SPMAP2L: variants seen among roughly 807,000 people sequenced by gnomAD.
SPMAP2L encodes sperm microtubule associated protein 2 like, also known as sperm microtubule associated protein 2-like.
chr4:56,608,037 C>T, the SPMAP2L span, among the ~76,000 whole-genome samples: 1 of 145,396 alleles, frequency 6.9e-6, no homozygotes, highest in African/African-American at 2.5e-5. Context: ...GAAATATGGA[C>T]AGTAAAGGCC....
the SPMAP2L span, chr4:56,575,621 A>G: frequency 6.5e-7 from 1 of 1,535,482 alleles, no homozygotes; most frequent in South Asian, 1.2e-5. Context: ...AATGGATTCA[A>G]AAGACAGTGT....
At chr4:56,623,192 C>G in the SPMAP2L span, among the ~76,000 whole-genome samples, 33 of 152,232 alleles carry the variant, frequency 2.2e-4, no homozygotes, top group African/African-American at 7.7e-4. Flanking sequence ...TAAATAGTGA[C>G]CATGTTGCAA....
At chr4:56,578,984 A>C in the SPMAP2L span, among the ~76,000 whole-genome samples, 3 of 152,060 alleles carry the variant, frequency 2.0e-5, no homozygotes, top group Non-Finnish European at 2.9e-5. Flanking sequence ...ACAGCAGAGC[A>C]AAAACCTGAT....
At chr4:56,564,756 G>T in the SPMAP2L span, among the ~76,000 whole-genome samples, 2,762 of 152,160 alleles carry the variant, frequency 0.018, 59 homozygotes, top group African/African-American at 0.051. Context: ...TGGAAACTGA[G>T]ATCGTTGACT....
chr4:56,551,711 G>A, the SPMAP2L span, among the ~76,000 whole-genome samples: 1 of 152,176 alleles, frequency 6.6e-6, no homozygotes, highest in East Asian at 1.9e-4. Flanking sequence ...CATAGGTGGT[G>A]TATTAGTCTG....
chr4:56,601,008 A>C, the SPMAP2L span: 1 of 1,535,428 alleles, frequency 6.5e-7, no homozygotes, highest in South Asian at 1.2e-5. Context: ...CTGTTCATCA[A>C]GATTATCTAC....
chr4:56,594,466 T>G, the SPMAP2L span: 1 of 1,606,204 alleles, frequency 6.2e-7, no homozygotes, highest in South Asian at 1.1e-5. Flanking sequence ...AGGATTTGTG[T>G]GAACTCACAG....
chr4:56,613,608 T>C, the SPMAP2L span, among the ~76,000 whole-genome samples: 1 of 152,196 alleles, frequency 6.6e-6, no homozygotes, highest in Non-Finnish European at 1.5e-5. Context: ...TAGTCAGGAA[T>C]GTCCCAGAGC....
chr4:56,548,134 A>G, the SPMAP2L span, among the ~76,000 whole-genome samples: 3,529 of 152,288 alleles, frequency 0.023, 133 homozygotes, highest in African/African-American at 0.075. Flanking sequence ...CCCTTCCAAC[A>G]TCTTTATACT....
chr4:56,605,020 G>A, the SPMAP2L span, among the ~76,000 whole-genome samples: 2 of 152,148 alleles, frequency 1.3e-5, no homozygotes, highest in South Asian at 2.1e-4. Flanking sequence ...TGGTAGGGGG[G>A]TGAGGAATAA....
chr4:56,586,329 G>A, the SPMAP2L span, among the ~76,000 whole-genome samples: 2 of 152,264 alleles, frequency 1.3e-5, no homozygotes, highest in Admixed American at 6.5e-5. Flanking sequence ...AGACAACCAC[G>A]ATTTTGCTGT....
the SPMAP2L span, chr4:56,531,140 C>T: frequency 6.5e-7 from 1 of 1,534,260 alleles, no homozygotes; most frequent in Non-Finnish European, 8.7e-7. Flanking sequence ...ACCAGAGCCC[C>T]GCCACGGCCT....
the SPMAP2L span, chr4:56,584,653 G>A: frequency 1.6e-6 from 2 of 1,283,672 alleles, no homozygotes; most frequent in Non-Finnish European, 2.2e-6. Context: ...TGATTGACTT[G>A]TAACATGCTG....
chr4:56,567,423 C>T, the SPMAP2L span, among the ~76,000 whole-genome samples: 42 of 142,396 alleles, frequency 2.9e-4, no homozygotes, highest in African/African-American at 1.0e-3. Context: ...CACACCACCA[C>T]ACCTGGCTAA....
chr4:56,563,395 T>C, the SPMAP2L span, among the ~76,000 whole-genome samples: 1 of 151,686 alleles, frequency 6.6e-6, no homozygotes, highest in Non-Finnish European at 1.5e-5. Context: ...CGAGCCACAG[T>C]GCCTGACCTG....
chr4:56,542,699 G>C, the SPMAP2L span, among the ~76,000 whole-genome samples: 1 of 152,110 alleles, frequency 6.6e-6, no homozygotes, highest in Non-Finnish European at 1.5e-5. Context: ...GATAGGTGGT[G>C]CTGAACGTGC....
the SPMAP2L span, among the ~76,000 whole-genome samples, chr4:56,598,935 T>C: frequency 6.6e-6 from 1 of 152,076 alleles, no homozygotes; most frequent in Non-Finnish European, 1.5e-5. Context: ...CTGATGGTTT[T>C]ATAAGGGGCT....
the SPMAP2L span, among the ~76,000 whole-genome samples, chr4:56,605,624 A>G: frequency 6.6e-6 from 1 of 152,112 alleles, no homozygotes; most frequent in African/African-American, 2.4e-5. Flanking sequence ...AAGACTCTCT[A>G]GCTAGGAAAG....
At chr4:56,589,264 C>G in the SPMAP2L span, among the ~76,000 whole-genome samples, 459 of 152,270 alleles carry the variant, frequency 3.0e-3, 4 homozygotes, top group African/African-American at 0.011. Context: ...GCTGGGATTA[C>G]AGGTGTGAGC....
Sources: allele counts gnomAD v4.1 joint callset (sites outside exome capture counted in the v4.1 genomes callset), GRCh38; gene constraint gnomAD v4.1.1; transcripts MANE v1.5; gene names NCBI Gene and HGNC (gene_info 2026-07-23, HGNC 2026-07-21).